The following TTC39B variants were observed in gnomAD, a reference collection of about 807,000 sequenced individuals.
TTC39B encodes the protein tetratricopeptide repeat domain 39B, also known as tetratricopeptide repeat protein 39B.
Under a neutral mutation model 96.6 loss-of-function variants are expected in TTC39B, and 92 were observed. That is an observed-to-expected ratio of 0.95 (90% CI 0.80 to 1.13). The LOEUF is 1.13. Among genes scored for constraint, TTC39B ranks in the 50% most tolerant of loss-of-function variants. The pLI is 0.00. For missense variants in TTC39B, 955 were observed against 809.3 expected, an observed-to-expected ratio of 1.18 and a Z score of -2.18; for synonymous variants, 367 against 299.4, an observed-to-expected ratio of 1.23 and a Z score of -2.33.
exon 1 of TTC39B, chr9:15,307,206 C>A (rs1449897774): frequency 6.4e-7 from 1 of 1,564,118 alleles, no homozygotes; most frequent in African/African-American, 1.4e-5. Flanking sequence ...GGGCTCAGCC[C>A]AGCGCAAAGG....
At chr9:15,166,734 G>C (rs1057373346) in exon 20 of TTC39B, 18 of 151,698 alleles carry the variant, frequency 1.2e-4, no homozygotes, top group Non-Finnish European at 2.4e-4. Context: ...TAAATAACTG[G>C]ACTCGGGGAG....
At chr9:15,258,890 GA>G (rs973845743) in intron 2 of TTC39B, among the ~76,000 whole-genome samples, 2 of 152,112 alleles carry the variant, frequency 1.3e-5, no homozygotes, top group African/African-American at 4.8e-5. Flanking sequence ...TCCTCATAGT[GA>G]AAAGCAGCAT....
intron 3 of TTC39B, among the ~76,000 whole-genome samples, chr9:15,223,291 GGGA>G (rs1820947126): frequency 6.6e-6 from 1 of 152,244 alleles, no homozygotes; most frequent in Non-Finnish European, 1.5e-5. Context: ...ACAAGTGAAA[GGGA>G]TTACAAGTAA....
chr9:15,261,689 A>T (rs1822952322), intron 2 of TTC39B, among the ~76,000 whole-genome samples: 1 of 151,978 alleles, frequency 6.6e-6, no homozygotes, highest in Non-Finnish European at 1.5e-5. Context: ...GCCTCTACCA[A>T]CTGAAATGCC....
intron 8 of TTC39B, among the ~76,000 whole-genome samples, chr9:15,194,124 G>A (rs79680644): frequency 6.6e-6 from 1 of 152,038 alleles, no homozygotes; most frequent in Non-Finnish European, 1.5e-5. Flanking sequence ...GTAAATCTGA[G>A]TGACGATTTA....
chr9:15,178,676 G>A (rs1464970298), intron 17 of TTC39B, among the ~76,000 whole-genome samples: 2 of 152,270 alleles, frequency 1.3e-5, no homozygotes, highest in African/African-American at 2.4e-5. Flanking sequence ...AGGTGGTCAC[G>A]CTCTGAGCTT....
intron 17 of TTC39B, among the ~76,000 whole-genome samples, chr9:15,179,041 T>G (rs1298326435): frequency 1.3e-5 from 2 of 152,120 alleles, no homozygotes; most frequent in African/African-American, 4.8e-5. Flanking sequence ...TTGAGGAAAA[T>G]GTCAAGGATT....
chr9:15,180,644 ACAACTTCTCCCCATTTTC>A (rs1445369430), intron 17 of TTC39B, among the ~76,000 whole-genome samples: 1 of 152,192 alleles, frequency 6.6e-6, no homozygotes, highest in Non-Finnish European at 1.5e-5. Flanking sequence ...CCTCAGGTTT[ACAACTTCTCCCCATTTTC>A]CAACTTCTCT....
At chr9:15,267,976 T>G in intron 1 of TTC39B, 28 bp from the exon 2 acceptor site, 1 of 1,593,550 alleles carries the variant, frequency 6.3e-7, no homozygotes, top group Non-Finnish European at 8.6e-7. Context: ...TACAATGAGT[T>G]TCTCAAGAAT....
intron 8 of TTC39B, among the ~76,000 whole-genome samples, chr9:15,196,628 T>C (rs1358640159): frequency 2.0e-5 from 3 of 152,212 alleles, no homozygotes; most frequent in Admixed American, 6.5e-5. Flanking sequence ...TTGCCTCTTA[T>C]GGATGAGCAA....
At chr9:15,195,975 C>T (rs1036339425) in intron 8 of TTC39B, among the ~76,000 whole-genome samples, 1 of 152,132 alleles carries the variant, frequency 6.6e-6, no homozygotes, top group African/African-American at 2.4e-5. Context: ...TCCAAATATC[C>T]TAAGGCCCTT....
chr9:15,289,036 T>A (rs895094750), intron 1 of TTC39B, among the ~76,000 whole-genome samples: 1 of 152,244 alleles, frequency 6.6e-6, no homozygotes, highest in Non-Finnish European at 1.5e-5. Context: ...ATAATTATCC[T>A]TATTTTTGTG....
intron 16 of TTC39B, among the ~76,000 whole-genome samples, chr9:15,183,992 G>A (rs1261314306): frequency 6.6e-6 from 1 of 152,174 alleles, no homozygotes; most frequent in Admixed American, 6.5e-5. Context: ...CCCTGTCAGG[G>A]AGGGGCTGCA....
In TTC39B at chr9:15,240,429, A is replaced by C. The variant is rs540098007; in HGVS notation, c.276-14417T>G. 2.0e-5 allele frequency among the ~76,000 whole-genome samples: 3 copies of C among 152,344 alleles called. No homozygotes were observed. The South Asian group carries it at 6.2e-4, about 32-fold the overall frequency. ...TTAGACTTCTTACAAAGCCTTCCTC[A>C]ATCAAAACTGTAACCCTTAGTATTA... On this transcript the variant is annotated intron_variant, in intron 2 of 19. Coordinates refer to ENST00000512701, the Ensembl canonical transcript of TTC39B.
chr9:15,274,780 T>G (rs1823479298), intron 1 of TTC39B, among the ~76,000 whole-genome samples: 2 of 152,148 alleles, frequency 1.3e-5, no homozygotes, highest in Non-Finnish European at 2.9e-5. Context: ...CAGGCAATAA[T>G]TTTTTTAGAT....
chr9:15,246,113 C>G (rs1486591393), intron 2 of TTC39B, among the ~76,000 whole-genome samples: 1 of 152,080 alleles, frequency 6.6e-6, no homozygotes, highest in African/African-American at 2.4e-5. Flanking sequence ...ATTAGCTGGG[C>G]GTGGTGGCAC....
intron 3 of TTC39B, among the ~76,000 whole-genome samples, chr9:15,223,417 C>T (rs546249142): frequency 5.3e-5 from 8 of 152,314 alleles, no homozygotes; most frequent in East Asian, 3.9e-4. Flanking sequence ...ACTTGACATC[C>T]GGGGTGTCTC....
intron 7 of TTC39B, among the ~76,000 whole-genome samples, chr9:15,202,695 G>C (rs945807305): frequency 1.3e-5 from 2 of 149,074 alleles, no homozygotes; most frequent in Admixed American, 6.7e-5. Context: ...CTGGGTGACA[G>C]AATGAGGCTC....
intron 1 of TTC39B, among the ~76,000 whole-genome samples, chr9:15,272,031 C>G (rs1823373596): frequency 6.6e-6 from 1 of 152,210 alleles, no homozygotes; most frequent in Admixed American, 6.5e-5. Flanking sequence ...AAGGCAGAGA[C>G]TGCTCATGCA....
Sources: allele counts gnomAD v4.1 joint callset (sites outside exome capture counted in the v4.1 genomes callset), GRCh38; gene constraint gnomAD v4.1.1; transcripts MANE v1.5; gene names NCBI Gene and HGNC (gene_info 2026-07-23, HGNC 2026-07-21).